NOVA1: variants seen among roughly 807,000 people sequenced by gnomAD.
NOVA1 encodes the protein RNA-binding protein Nova-1.
In NOVA1, 7 loss-of-function variants were observed where a neutral mutation model predicts 38.0. That is an observed-to-expected ratio of 0.18 (90% CI 0.10 to 0.35). The LOEUF is 0.35. Ranked by LOEUF, NOVA1 falls within the 10% of genes least tolerant of loss-of-function variation. The pLI is 1.00. For missense variants in NOVA1, 460 were observed against 616.0 expected (o/e 0.75, Z 2.68); for synonymous variants, 270 against 232.5 (o/e 1.16, Z -1.47).
chr14:26,449,675 T>G (rs904131378), intron 4 of NOVA1, among the ~76,000 whole-genome samples: 3 of 152,176 alleles, frequency 2.0e-5, no homozygotes, highest in African/African-American at 7.2e-5. Flanking sequence ...TTATATTACC[T>G]AGCTGCACTA....
intron 2 of NOVA1, among the ~76,000 whole-genome samples, chr14:26,491,839 T>C (rs28782538): frequency 0.021 from 3,244 of 152,296 alleles, 107 homozygotes; most frequent in African/African-American, 0.074. Flanking sequence ...ACTGTATCTT[T>C]ACAGTAAGTT....
At chr14:26,533,445 T>C (rs1200344664) in intron 2 of NOVA1, among the ~76,000 whole-genome samples, 1 of 152,190 alleles carries the variant, frequency 6.6e-6, no homozygotes, top group Non-Finnish European at 1.5e-5. Context: ...TGAACATTAT[T>C]AACAGTCTAT....
intron 2 of NOVA1, among the ~76,000 whole-genome samples, chr14:26,519,843 T>C (rs1333688643): frequency 6.6e-6 from 1 of 152,114 alleles, no homozygotes; most frequent in East Asian, 1.9e-4. Flanking sequence ...AATTTTTTTC[T>C]TAATTTATAT....
intron 2 of NOVA1, among the ~76,000 whole-genome samples, chr14:26,492,212 T>TG (rs1182603528): frequency 1.3e-5 from 2 of 152,224 alleles, no homozygotes; most frequent in African/African-American, 4.8e-5. Flanking sequence ...AGGAACTGAT[T>TG]TTTGTTTGTT....
At chr14:26,536,269 T>C (rs1476860007) in intron 2 of NOVA1, among the ~76,000 whole-genome samples, 6 of 150,024 alleles carry the variant, frequency 4.0e-5, no homozygotes, top group Non-Finnish European at 5.9e-5. Context: ...AAAAAAAAAA[T>C]AGAACGAATA....
chr14:26,595,438 C>T lies in NOVA1; in HGVS notation c.252G>A (p.Lys84=), dbSNP rs895924956. 8.1e-6 allele frequency: 13 copies of T among 1,613,826 alleles called. No homozygotes were observed. The highest frequency in any genetic ancestry group is 1.0e-5 in the Non-Finnish European group (12 of 1,179,882). The part of the protein sequence containing the change: ...QLQKETGATI[K]LSKSKDFYPG... ...GGTAAAAATCTTTGGACTTAGACAG[C>T]TTGATGGTGGCTCCAGTTTCTTTTT... Residue 84 remains lysine, a synonymous_variant, in exon 2 of 5, where the codon AAG becomes AAA. Transcript: ENST00000539517.
chr14:26,462,611 T>C (rs1029672915), intron 4 of NOVA1, among the ~76,000 whole-genome samples: 4 of 152,214 alleles, frequency 2.6e-5, no homozygotes, highest in Non-Finnish European at 2.9e-5. Flanking sequence ...ATATTACATA[T>C]GTTACACAAT....
At chr14:26,513,906 T>C (rs1888275478) in intron 2 of NOVA1, among the ~76,000 whole-genome samples, 1 of 151,636 alleles carries the variant, frequency 6.6e-6, no homozygotes, top group African/African-American at 2.4e-5. Context: ...CATTTGCACA[T>C]AGTAACTCTT....
chr14:26,499,645 T>C (rs1887102200), intron 2 of NOVA1, among the ~76,000 whole-genome samples: 1 of 152,132 alleles, frequency 6.6e-6, no homozygotes, highest in African/African-American at 2.4e-5. Context: ...TCCACATTTC[T>C]CTGATATGGA....
intron 2 of NOVA1, among the ~76,000 whole-genome samples, chr14:26,578,225 T>C (rs1281278394): frequency 2.6e-5 from 4 of 152,062 alleles, no homozygotes; most frequent in Non-Finnish European, 4.4e-5. Context: ...AAAGTCCTAA[T>C]TGGAATAGCT....
At chr14:26,521,651 A>G (rs537241088) in intron 2 of NOVA1, among the ~76,000 whole-genome samples, 2 of 152,176 alleles carry the variant, frequency 1.3e-5, no homozygotes, top group Admixed American at 1.3e-4. Context: ...ATTGTAAAAG[A>G]TAAGTAATCA....
chr14:26,551,167 A>C (rs770540980), intron 2 of NOVA1, among the ~76,000 whole-genome samples: 32 of 152,040 alleles, frequency 2.1e-4, no homozygotes, highest in Non-Finnish European at 8.8e-5. Context: ...TAGTTTAAGA[A>C]ACTTTGATGA....
chr14:26,523,973 G>C (rs901882214), intron 2 of NOVA1, among the ~76,000 whole-genome samples: 4 of 151,908 alleles, frequency 2.6e-5, no homozygotes, highest in Non-Finnish European at 5.9e-5. Context: ...GGATGGCCTC[G>C]ATCTCCTGAC....
At chr14:26,453,782 A>G (rs2138577195) in intron 4 of NOVA1, among the ~76,000 whole-genome samples, 1 of 152,326 alleles carries the variant, frequency 6.6e-6, no homozygotes, top group Middle Eastern at 3.4e-3. Context: ...CACATATTGA[A>G]GTAAATGCAA....
At chr14:26,594,898 T>TA (rs1410569499) in intron 2 of NOVA1, among the ~76,000 whole-genome samples, 1 of 152,082 alleles carries the variant, frequency 6.6e-6, no homozygotes, top group Non-Finnish European at 1.5e-5. Context: ...CTGCAATATT[T>TA]AAAAAATCTG....
intron 2 of NOVA1, among the ~76,000 whole-genome samples, chr14:26,544,452 G>A (rs1369540415): frequency 1.3e-5 from 2 of 151,126 alleles, no homozygotes; most frequent in Non-Finnish European, 1.5e-5. Flanking sequence ...GATGCACAGT[G>A]AGGAGGGTGA....
chr14:26,492,688 C>T (rs1223039529), intron 2 of NOVA1, among the ~76,000 whole-genome samples: 1 of 152,130 alleles, frequency 6.6e-6, no homozygotes, highest in Non-Finnish European at 1.5e-5. Context: ...TAAATAGCGG[C>T]TGGGCACGGT....
intron 2 of NOVA1, among the ~76,000 whole-genome samples, chr14:26,484,757 G>A (rs1013234389): frequency 1.8e-4 from 27 of 152,044 alleles, no homozygotes; most frequent in East Asian, 1.9e-4. Context: ...TGTTTGCCTC[G>A]TCAGCAGCAT....
chr14:26,516,042 T>A (rs1888441210), intron 2 of NOVA1, among the ~76,000 whole-genome samples: 1 of 152,164 alleles, frequency 6.6e-6, no homozygotes, highest in African/African-American at 2.4e-5. Flanking sequence ...TTAATCCACA[T>A]TCTTGCCAAC....
Sources: allele counts gnomAD v4.1 joint callset (sites outside exome capture counted in the v4.1 genomes callset), GRCh38; gene constraint gnomAD v4.1.1; transcripts MANE v1.5; gene names NCBI Gene and HGNC (gene_info 2026-07-23, HGNC 2026-07-21).